Variants in VPS13A observed in about 807,000 individuals in gnomAD.
VPS13A encodes the protein vacuolar protein sorting 13 homolog A.
Under a neutral mutation model 390.9 loss-of-function variants are expected in VPS13A, and 264 were observed. The observed-to-expected ratio is 0.68, with a 90% CI of 0.61 to 0.75. The LOEUF (loss-of-function observed/expected upper bound fraction) is 0.75. Ranked by LOEUF, VPS13A falls within the 30% of genes least tolerant of loss-of-function variation. VPS13A has a pLI of 0.00. For synonymous variants in VPS13A, 1,231 were observed against 1,227.1 expected, an observed-to-expected ratio of 1.00 and a Z score of -0.07; for missense variants, 3,409 against 3,733.9, an observed-to-expected ratio of 0.91 and a Z score of 2.27.
chr9:77,202,708 C>T (rs988098836), intron 3 of VPS13A, among the ~76,000 whole-genome samples: 3 of 152,226 alleles, frequency 2.0e-5, no homozygotes, highest in African/African-American at 7.2e-5. Flanking sequence ...AGTAGATAGA[C>T]TATTTTCTTT....
At chr9:77,324,354 A>T (rs1829895525) in intron 45 of VPS13A, among the ~76,000 whole-genome samples, 1 of 152,136 alleles carries the variant, frequency 6.6e-6, no homozygotes, top group Non-Finnish European at 1.5e-5. Context: ...TGCCTTGTCC[A>T]TTCTTTCACC....
At chr9:77,192,311 C>T (rs1824734173) in intron 1 of VPS13A, among the ~76,000 whole-genome samples, 1 of 152,102 alleles carries the variant, frequency 6.6e-6, no homozygotes, top group African/African-American at 2.4e-5. Flanking sequence ...CATTCTGTGC[C>T]TTTGAAGTGG....
chr9:77,296,062 A>G (rs1827979321), intron 33 of VPS13A, among the ~76,000 whole-genome samples: 1 of 152,212 alleles, frequency 6.6e-6, no homozygotes, highest in African/African-American at 2.4e-5. Context: ...CTCCTTAGGT[A>G]ATTAGGAAAA....
chr9:77,235,409 C>G (rs1443593970), intron 17 of VPS13A, among the ~76,000 whole-genome samples: 4 of 152,098 alleles, frequency 2.6e-5, no homozygotes, highest in Non-Finnish European at 1.5e-5. Context: ...GAGAAATTAG[C>G]TGTTAATCTA....
At chr9:77,235,119 T>C (rs914862713) in intron 17 of VPS13A, among the ~76,000 whole-genome samples, 1 of 152,204 alleles carries the variant, frequency 6.6e-6, no homozygotes, top group African/African-American at 2.4e-5. Context: ...TATTTGCTTA[T>C]GTAGTTACAA....
intron 67 of VPS13A, among the ~76,000 whole-genome samples, chr9:77,381,587 TA>T (rs949194282): frequency 7.0e-4 from 103 of 147,206 alleles, no homozygotes; most frequent in African/African-American, 1.1e-3. Context: ...AGGGGTGCTT[TA>T]AAAAAAAAAA....
intron 1 of VPS13A, among the ~76,000 whole-genome samples, chr9:77,197,592 A>G (rs140321832): frequency 2.6e-5 from 4 of 152,230 alleles, no homozygotes; most frequent in African/African-American, 9.6e-5. Context: ...GCCTTATCTG[A>G]AATGCTTGGA....
intron 52 of VPS13A, among the ~76,000 whole-genome samples, chr9:77,348,965 A>G (rs72746024): frequency 0.058 from 8,800 of 152,150 alleles, 370 homozygotes; most frequent in South Asian, 0.12. Flanking sequence ...ACACATTTAC[A>G]TTTGATTTTT....
At chr9:77,306,401 A>AGAGAGT (rs550279922) in intron 34 of VPS13A, among the ~76,000 whole-genome samples, 151 of 107,788 alleles carry the variant, frequency 1.4e-3, no homozygotes, top group Middle Eastern at 9.3e-3. Context: ...AGAGAGAGAG[A>AGAGAGT]GTGTGTGTGT....
chr9:77,178,400 C>G (rs1409532386), intron 1 of VPS13A, among the ~76,000 whole-genome samples: 1 of 152,228 alleles, frequency 6.6e-6, no homozygotes, highest in Non-Finnish European at 1.5e-5. Flanking sequence ...CTCTCTCTCG[C>G]CTGGGTTCGG....
chr9:77,414,594 T>TG (rs1227704139), intron 71 of VPS13A, among the ~76,000 whole-genome samples: 3 of 149,258 alleles, frequency 2.0e-5, no homozygotes, highest in Non-Finnish European at 4.4e-5. Flanking sequence ...TGTTATGGGA[T>TG]GGGGGGAGGG....
chr9:77,412,307 A>G (rs1450153059), intron 71 of VPS13A, among the ~76,000 whole-genome samples: 1 of 152,168 alleles, frequency 6.6e-6, no homozygotes, highest in African/African-American at 2.4e-5. Context: ...AGAATTTTAG[A>G]CCAATATCCC....
intron 71 of VPS13A, among the ~76,000 whole-genome samples, chr9:77,411,423 G>A (rs919046025): frequency 5.9e-5 from 9 of 152,066 alleles, no homozygotes; most frequent in Admixed American, 5.9e-4. Context: ...CAGCACTTTG[G>A]GAGGCCGAGG....
intron 26 of VPS13A, among the ~76,000 whole-genome samples, chr9:77,278,237 A>ATTTTTTTTTTTTTT (rs57545793): frequency 1.7e-5 from 2 of 115,372 alleles, no homozygotes; most frequent in Non-Finnish European, 3.5e-5. Flanking sequence ...CGCCCAGCTA[A>ATTTTTTTTTTTTTT]TTTTTTTTTT....
intron 71 of VPS13A, among the ~76,000 whole-genome samples, chr9:77,410,565 C>A (rs902182766): frequency 1.3e-5 from 2 of 152,138 alleles, no homozygotes; most frequent in African/African-American, 4.8e-5. Flanking sequence ...CATGCAGAGA[C>A]ACACATAGGC....
At chr9:77,334,906 A>T (rs1041950332) in intron 46 of VPS13A, among the ~76,000 whole-genome samples, 3 of 152,210 alleles carry the variant, frequency 2.0e-5, no homozygotes, top group Non-Finnish European at 4.4e-5. Context: ...GTAAGAAGGA[A>T]GTCTAATTGT....
chr9:77,197,513 CCTT>C (rs1445251461), intron 1 of VPS13A, among the ~76,000 whole-genome samples: 1 of 151,918 alleles, frequency 6.6e-6, no homozygotes, highest in Non-Finnish European at 1.5e-5. Flanking sequence ...TATATAATGC[CCTT>C]CTTTGTTTTT....
chr9:77,291,158 G>T (rs928365479), intron 31 of VPS13A, among the ~76,000 whole-genome samples: 1 of 152,176 alleles, frequency 6.6e-6, no homozygotes, highest in Non-Finnish European at 1.5e-5. Flanking sequence ...TGTCAGATCA[G>T]TGGGGGCATT....
intron 37 of VPS13A, 128 bp downstream of exon 37, chr9:77,314,792 C>G: frequency 1.2e-6 from 1 of 854,234 alleles, no homozygotes; most frequent in Non-Finnish European, 1.9e-6. Context: ...TCAATTCAGT[C>G]AGCTCGTAGT....
Sources: gnomAD v4.1 joint callset for allele counts (sites outside exome capture counted in the v4.1 genomes callset) on GRCh38, gnomAD v4.1.1 for gene constraint, MANE v1.5 for transcripts, NCBI Gene and HGNC (gene_info 2026-07-23, HGNC 2026-07-21) for gene names.